C8orf34: variants seen among roughly 807,000 people sequenced by gnomAD.
The protein encoded by C8orf34 is chromosome 8 open reading frame 34, also known as uncharacterized protein C8orf34.
In C8orf34, 65 loss-of-function variants were observed where a neutral mutation model predicts 68.3. The observed-to-expected ratio is 0.95, with a 90% CI of 0.78 to 1.17. The LOEUF is 1.17. Ranked by LOEUF, C8orf34 falls within the 50% of genes most tolerant of loss-of-function variation. The probability of loss-of-function intolerance (pLI) is 0.00; values close to 1 mark genes in which losing one functional copy is unlikely to be tolerated. For synonymous variants in C8orf34, 244 were observed against 241.2 expected, an observed-to-expected ratio of 1.01 and a Z score of -0.11; for missense variants, 664 against 655.4, an observed-to-expected ratio of 1.01 and a Z score of -0.14.
At chr8:68,484,503 C>T (rs528380646) in intron 4 of C8orf34, among the ~76,000 whole-genome samples, 5 of 152,288 alleles carry the variant, frequency 3.3e-5, no homozygotes, top group South Asian at 4.1e-4. Context: ...AACATATCTT[C>T]GCAACCCACT....
chr8:68,794,501 A>ATT (rs1376098308), intron 12 of C8orf34, among the ~76,000 whole-genome samples: 46 of 81,882 alleles, frequency 5.6e-4, no homozygotes, highest in African/African-American at 3.1e-3. Context: ...ATATATATAT[A>ATT]TATATTTTTT....
chr8:68,642,580 C>T (rs968436891), intron 8 of C8orf34, among the ~76,000 whole-genome samples: 2 of 152,190 alleles, frequency 1.3e-5, no homozygotes, highest in African/African-American at 2.4e-5. Flanking sequence ...AGGGTATTAG[C>T]ATCTTCACTG....
chr8:68,764,979 C>T (rs1351380976), intron 10 of C8orf34, among the ~76,000 whole-genome samples: 2 of 152,178 alleles, frequency 1.3e-5, no homozygotes, highest in South Asian at 2.1e-4. Context: ...GAAGAAGTAG[C>T]ATCTGATTTC....
At chr8:68,792,679 A>G (rs145523033) in intron 12 of C8orf34, 1 of 151,796 alleles carries the variant, frequency 6.6e-6, no homozygotes, top group African/African-American at 2.4e-5. Flanking sequence ...GAGATATTTA[A>G]AAGATTATCA....
rs965006091 is a variant in C8orf34 at position 68,764,817 on chromosome 8, A to G, written c.1405-11582A>G. Among the ~76,000 whole-genome samples the G allele has an allele frequency of 7.9e-5, 12 of 152,140 alleles. No homozygotes were observed. The East Asian group carries it at 1.3e-3, about 17-fold the overall frequency. ...GCCGTCTTACTCCCTTGTCTCAACA[A>G]TTTCGCAAAGTGTTCCTTTATTAAT... is the stretch of plus-strand genomic sequence containing the variant. On this transcript the variant is annotated intron_variant, in intron 10 of 13. Transcript: ENST00000518698.
intron 4 of C8orf34, among the ~76,000 whole-genome samples, chr8:68,474,957 A>G (rs1446652228): frequency 6.6e-6 from 1 of 152,220 alleles, no homozygotes; most frequent in Non-Finnish European, 1.5e-5. Flanking sequence ...GTGGCTCTAA[A>G]GTGAAAGCCT....
intron 4 of C8orf34, among the ~76,000 whole-genome samples, chr8:68,470,631 A>C (rs778192067): frequency 6.6e-6 from 1 of 152,030 alleles, no homozygotes; most frequent in Non-Finnish European, 1.5e-5. Flanking sequence ...TAACAACAGA[A>C]ATTTGTTTCT....
chr8:68,491,131 T>C (rs1813295414), intron 5 of C8orf34, among the ~76,000 whole-genome samples: 1 of 152,222 alleles, frequency 6.6e-6, no homozygotes, highest in South Asian at 2.1e-4. Flanking sequence ...ATTGAAATCA[T>C]TTCTTCATGG....
At chr8:68,456,326 G>A (rs980568750) in intron 3 of C8orf34, among the ~76,000 whole-genome samples, 4 of 151,974 alleles carry the variant, frequency 2.6e-5, no homozygotes, top group Admixed American at 6.6e-5. Flanking sequence ...AGAACTTTCT[G>A]AAGAAAAAAG....
intron 12 of C8orf34, chr8:68,791,019 G>T: frequency 3.4e-6 from 2 of 590,984 alleles, no homozygotes; most frequent in South Asian, 4.4e-5. Context: ...AAATAAGTTT[G>T]AATATAAAAT....
chr8:68,612,559 A>G (rs1818054492), intron 7 of C8orf34, among the ~76,000 whole-genome samples: 1 of 152,170 alleles, frequency 6.6e-6, no homozygotes, highest in Non-Finnish European at 1.5e-5. Context: ...GTTAAATATC[A>G]CTTTACTCAT....
intron 12 of C8orf34, among the ~76,000 whole-genome samples, chr8:68,808,296 C>T (rs1226431608): frequency 6.6e-6 from 1 of 152,096 alleles, no homozygotes; most frequent in Non-Finnish European, 1.5e-5. Context: ...TAATATAGTT[C>T]AATAAATTTG....
chr8:68,555,613 G>A (rs1816227237), intron 7 of C8orf34, among the ~76,000 whole-genome samples: 1 of 152,054 alleles, frequency 6.6e-6, no homozygotes, highest in African/African-American at 2.4e-5. Context: ...TTATGCTGAT[G>A]TTGGTTTTGG....
chr8:68,709,158 C>A (rs890514421), intron 9 of C8orf34, 79 bp downstream of exon 9: 2 of 1,062,754 alleles, frequency 1.9e-6, no homozygotes, highest in Non-Finnish European at 2.8e-6. Context: ...AAAAACTAAA[C>A]CAAACATCTT....
intron 7 of C8orf34, among the ~76,000 whole-genome samples, chr8:68,631,337 C>A (rs1307843047): frequency 1.3e-5 from 2 of 152,252 alleles, no homozygotes; most frequent in Non-Finnish European, 2.9e-5. Context: ...AACTTCTGGG[C>A]TCAAGTGATC....
At chr8:68,502,683 G>A (rs1813833194) in intron 5 of C8orf34, among the ~76,000 whole-genome samples, 1 of 152,134 alleles carries the variant, frequency 6.6e-6, no homozygotes, top group Non-Finnish European at 1.5e-5. Context: ...TTTGAGGACA[G>A]GAAATTTCTC....
chr8:68,705,011 C>G (rs901129624), intron 8 of C8orf34, among the ~76,000 whole-genome samples: 1 of 152,068 alleles, frequency 6.6e-6, no homozygotes, highest in African/African-American at 2.4e-5. Flanking sequence ...AGAAATCACA[C>G]TATGGTGGTA....
chr8:68,559,565 CA>C (rs200778323), intron 7 of C8orf34, among the ~76,000 whole-genome samples: 3 of 151,776 alleles, frequency 2.0e-5, no homozygotes, highest in Non-Finnish European at 2.9e-5. Context: ...GAGTCTATGG[CA>C]AAAAAACATT....
At chr8:68,621,020 A>G (rs1818373462) in intron 7 of C8orf34, among the ~76,000 whole-genome samples, 1 of 152,208 alleles carries the variant, frequency 6.6e-6, no homozygotes, top group Non-Finnish European at 1.5e-5. Flanking sequence ...AGATGTGGGA[A>G]CACCAATATA....
Sources: allele counts gnomAD v4.1 joint callset (sites outside exome capture counted in the v4.1 genomes callset), GRCh38; gene constraint gnomAD v4.1.1; transcripts MANE v1.5; gene names NCBI Gene and HGNC (gene_info 2026-07-23, HGNC 2026-07-21).